The following TCF21 variants were observed in gnomAD, a reference collection of about 807,000 sequenced individuals.
TCF21 encodes transcription factor 21.
TCF21 carries 3 observed loss-of-function variants against 13.5 expected under a neutral mutation model. That is an observed-to-expected ratio of 0.22 (90% CI 0.10 to 0.57). TCF21 has a LOEUF of 0.57. Ranked by LOEUF, TCF21 falls within the 20% of genes least tolerant of loss-of-function variation. The probability of loss-of-function intolerance (pLI) is 0.92; values close to 1 mark genes in which losing one functional copy is unlikely to be tolerated. For synonymous variants in TCF21, 92 were observed against 101.7 expected (o/e 0.90, Z 0.57); for missense variants, 181 against 238.4 (o/e 0.76, Z 1.59).
rs184160585 is a variant in TCF21 at position 133,889,215 on chromosome 6, G to A, written c.-183G>A. ...CCTCGGGGTTCCTTCTCACAACTCTGCGAAGGGGAAAGGGTTGTGAGACCC... is the reference window on the plus strand; with the variant it reads ...CCTCGGGGTTCCTTCTCACAACTCTACGAAGGGGAAAGGGTTGTGAGACCC... On this transcript the variant is annotated 5_prime_UTR_variant, in exon 1 of 2. Coordinates refer to ENST00000367882, the MANE Select transcript of TCF21 (RefSeq NM_003206.4). This position sits in a 1 kb window ranked among gnomAD's most constrained non-coding sequence, Gnocchi z 5.1. The A allele has an allele frequency of 1.3e-4, 90 of 695,750 alleles. No homozygotes were observed. The Admixed American group carries it at 2.2e-3, about 17-fold the overall frequency. 43.1% of individuals were successfully genotyped at this position (695,750 alleles called of 1,614,324 possible).
Position 133,889,436 on chromosome 6 carries a change from A to G in TCF21, c.39A>G (p.Gln13=). 1 of 1,614,042 alleles carries G rather than the reference A, an allele frequency of 6.2e-7. No homozygotes were observed. Among genetic ancestry groups the G allele is most frequent in the Admixed American group, 1.7e-5 (1 of 60,010 alleles). The part of the protein sequence containing the change: ...TGSLSDVEDL[Q]EVEMLECDGL... ...CCCTCAGCGATGTGGAGGACCTTCA[A>G]GAGGTGGAGATGTTGGAATGTGACG... The change falls in exon 1 of 2, where the codon CAA becomes CAG. Residue 13 remains glutamine (Q), a synonymous_variant. Coordinates refer to ENST00000367882, the MANE Select transcript of TCF21 (RefSeq NM_003206.4). This position sits in a 1 kb window ranked among gnomAD's most constrained non-coding sequence, Gnocchi z 5.1.
chr6:133,891,659 C>G, intron 1 of TCF21, 54 bp from the exon 2 acceptor site: 1 of 1,533,498 alleles, frequency 6.5e-7, no homozygotes, highest in South Asian at 1.1e-5. Flanking sequence ...CCCGAGTCCA[C>G]CCCACCCCCT....
chr6:133,889,278 T>C lies in TCF21; in HGVS notation c.-120T>C. 7.7e-7 allele frequency: 1 copy of C among 1,302,886 alleles called. No homozygotes were observed. 80.7% of individuals were successfully genotyped at this position (1,302,886 alleles called of 1,614,324 possible). On this transcript the variant is annotated 5_prime_UTR_variant, in exon 1 of 2. Transcript: ENST00000367882. This position sits in a 1 kb window ranked among gnomAD's most constrained non-coding sequence, Gnocchi z 5.1. ...ACTCCAGCTCCCAGCAGGAGGTGGC[T>C]GCGCCACACTCGGGAGGCCTCTTGG...
Position 133,891,823 on chromosome 6 carries a change from G to A in TCF21, c.*21G>A. The A allele has an allele frequency of 6.2e-7, 1 of 1,612,906 alleles. No homozygotes were observed. Among genetic ancestry groups the A allele is most frequent in the South Asian group, 1.1e-5 (1 of 91,020 alleles). On this transcript the variant is annotated 3_prime_UTR_variant, in exon 2 of 2. Coordinates refer to ENST00000367882, the MANE Select transcript of TCF21 (RefSeq NM_003206.4). ...CCTGACCTTGGAGGTGCGAGTCTGG[G>A]AAAGGCGCGCTCCCGGGGGGAGCGG...
chr6:133,889,519 G>A lies in TCF21; in HGVS notation c.122G>A (p.Ser41Asn), dbSNP rs757405867. ...ACTTCCAACGAGAGCACCGAGGAGA[G>A]CTCCAACTGCGAGAATGGGTCTCCC... is the stretch of plus-strand genomic sequence containing the variant. ...FVTSNESTEE[S>N]SNCENGSPQK... Residue 41 changes from serine (S) to asparagine (N), a missense_variant, in exon 1 of 2, where the codon AGC (serine) becomes AAC (asparagine). Transcript: ENST00000367882. The surrounding 1 kb of genome is among the most constrained non-coding windows in gnomAD (Gnocchi z 5.1). 6.2e-7 allele frequency: 1 copy of A among 1,614,108 alleles called. No individual in the cohort carries two copies. Among genetic ancestry groups the A allele is most frequent in the Non-Finnish European group, 8.5e-7 (1 of 1,179,994 alleles).
chr6:133,889,585 C>A lies in TCF21; in HGVS notation c.188C>A (p.Pro63His). ...GGCCTGGGCAAGAGGAGGAAGGCGC[C>A]CACCAAGAAGAGCCCCCTGAGCGGG... is the stretch of plus-strand genomic sequence containing the variant. ...RGGLGKRRKA[P>H]TKKSPLSGVS... is the part of the protein sequence containing the mutation. Residue 63 changes from proline (P) to histidine (H), a missense_variant, in exon 1 of 2, where the codon CCC (proline) becomes CAC (histidine). By Grantham distance (77) the Pro-to-His change is moderately conservative. Coordinates refer to ENST00000367882, the MANE Select transcript of TCF21 (RefSeq NM_003206.4). The surrounding 1 kb of genome is among the most constrained non-coding windows in gnomAD (Gnocchi z 5.1). The A allele has an allele frequency of 6.2e-7, 1 of 1,613,918 alleles. No individual in the cohort carries two copies. Among genetic ancestry groups the A allele is most frequent in the Non-Finnish European group, 8.5e-7 (1 of 1,179,896 alleles).
intron 1 of TCF21, among the ~76,000 whole-genome samples, chr6:133,891,434 G>A (rs4896010): frequency 0.011 from 1,606 of 152,318 alleles, 22 homozygotes; most frequent in African/African-American, 0.035. Flanking sequence ...TTCCTGCATT[G>A]AGTCTCACAA....
chr6:133,889,754 C>T lies in TCF21; in HGVS notation c.357C>T (p.Asp119=). 6.2e-7 allele frequency: 1 copy of T among 1,613,560 alleles called. No individual in the cohort carries two copies. The highest frequency in any genetic ancestry group is 8.5e-7 in the Non-Finnish European group (1 of 1,179,978). The change falls in exon 1 of 2, where the codon GAC becomes GAT. Residue 119 remains aspartate (D), a synonymous_variant. Coordinates refer to ENST00000367882, the MANE Select transcript of TCF21 (RefSeq NM_003206.4). The surrounding 1 kb of genome is among the most constrained non-coding windows in gnomAD (Gnocchi z 5.1). ...CCGACACCAAGCTCTCCAAGCTGGA[C>T]ACGCTCAGGCTGGCGTCCAGCTACA... ...VPPDTKLSKL[D]TLRLASSYIA...
At chr6:133,891,340 C>A (rs1775212820) in intron 1 of TCF21, among the ~76,000 whole-genome samples, 1 of 152,226 alleles carries the variant, frequency 6.6e-6, no homozygotes, top group African/African-American at 2.4e-5. Flanking sequence ...TCGTTCTGGG[C>A]TTCCCGGCTC....
intron 1 of TCF21, among the ~76,000 whole-genome samples, chr6:133,891,189 TG>T (rs1250912448): frequency 2.0e-5 from 3 of 152,152 alleles, no homozygotes; most frequent in African/African-American, 7.2e-5. Context: ...GTGTTTGCGA[TG>T]GAAGAAACGA....
Position 133,891,761 on chromosome 6 carries a change from G to A in TCF21, c.499G>A (p.Val167Met), listed in dbSNP as rs760685056. ...GAAACCCGAGAGTGACCTGAAAGAA[G>A]TGGTGACCGCGAGCCGCTTATGTGG... ...AGKPESDLKE[V>M]VTASRLCGTT... is the part of the protein sequence containing the mutation. The change falls in exon 2 of 2, where the codon GTG becomes ATG. Residue 167 changes from valine to methionine, a missense_variant. Val to Met is a conservative substitution (Grantham distance 21, BLOSUM62 1). This residue lies in a region of TCF21 where 55 missense variants were observed against 59.5 expected (regional missense o/e 0.92). Coordinates refer to ENST00000367882, the MANE Select transcript of TCF21 (RefSeq NM_003206.4). 8.7e-6 allele frequency: 14 copies of A among 1,613,904 alleles called. No individual in the cohort carries two copies. The highest frequency in any genetic ancestry group is 1.1e-5 in the Non-Finnish European group (13 of 1,179,988).
At position 133,889,122 on chromosome 6, in the gene TCF21, T is replaced by A; in HGVS notation, c.-276T>A. 1 of 530,054 alleles carries A rather than the reference T, an allele frequency of 1.9e-6. No homozygotes were observed. The highest frequency in any genetic ancestry group is 3.4e-6 in the Non-Finnish European group (1 of 293,700). 32.8% of individuals were successfully genotyped at this position (530,054 alleles called of 1,614,324 possible). Reference sequence around the variant, plus strand: ...GTCCACCAAATTCCTCAGCGCTCGCTCACCCTCCTCTACGGCCACGACTCT... The same window carrying A: ...GTCCACCAAATTCCTCAGCGCTCGCACACCCTCCTCTACGGCCACGACTCT... On this transcript the variant is annotated 5_prime_UTR_variant, in exon 1 of 2. Transcript: ENST00000367882. The surrounding 1 kb of genome is among the most constrained non-coding windows in gnomAD (Gnocchi z 5.1).
downstream of TCF21, chr6:133,893,756 A>G (rs1775257862): frequency 6.6e-6 from 1 of 152,202 alleles, no homozygotes; most frequent in Non-Finnish European, 1.5e-5. Flanking sequence ...CCCAATCTAT[A>G]CATGGATTTT....
downstream of TCF21, chr6:133,894,041 C>T (rs1454864077): frequency 6.6e-6 from 1 of 152,118 alleles, no homozygotes; most frequent in Non-Finnish European, 1.5e-5. Context: ...TCTGTAAAAT[C>T]CCTTGGTAAA....
chr6:133,894,909 A>T (rs2114568057), downstream of TCF21: 1 of 152,344 alleles, frequency 6.6e-6, no homozygotes, highest in African/African-American at 2.4e-5. Context: ...CAGCTTACAG[A>T]CGCCTGAACG....
In TCF21 at chr6:133,889,980, C is replaced by T; in HGVS notation, c.450+133C>T. ...ACTTACACATCTCGACCACCGCGGG[C>T]CTAGAGCCTCCAGGGACCGGAGGCG... is the stretch of plus-strand genomic sequence containing the variant. On this transcript the variant is annotated intron_variant, in intron 1 of 1. Coordinates refer to ENST00000367882, the MANE Select transcript of TCF21 (RefSeq NM_003206.4). The surrounding 1 kb of genome is among the most constrained non-coding windows in gnomAD (Gnocchi z 5.1). The T allele has an allele frequency of 2.0e-6, 2 of 989,560 alleles. No individual in the cohort carries two copies. Among genetic ancestry groups the T allele is most frequent in the Non-Finnish European group, 3.1e-6 (2 of 645,806 alleles). The allele number at this position is 989,560 out of a possible 1,614,324, so 61.3% of individuals were successfully genotyped here.
rs933280010 is a variant in TCF21 at position 133,889,116 on chromosome 6, G to T, written c.-282G>T. 62 of 513,722 alleles carry T rather than the reference G, an allele frequency of 1.2e-4. No homozygotes were observed. The highest frequency in any genetic ancestry group is 1.9e-4 in the Non-Finnish European group (55 of 283,376). The allele number at this position is 513,722 out of a possible 1,614,324, so 31.8% of individuals were successfully genotyped here. A position where few individuals can be genotyped will look rare whatever the true frequency, so the allele number is the denominator to read the frequency against. On this transcript the variant is annotated 5_prime_UTR_variant, in exon 1 of 2. Coordinates refer to ENST00000367882, the MANE Select transcript of TCF21 (RefSeq NM_003206.4). The surrounding 1 kb of genome is among the most constrained non-coding windows in gnomAD (Gnocchi z 5.1). ...CCTAGTGTCCACCAAATTCCTCAGC[G>T]CTCGCTCACCCTCCTCTACGGCCAC...
rs551355616 is a variant in TCF21 at position 133,889,675 on chromosome 6, G to A, written c.278G>A (p.Arg93Gln). ...AACGCGCGAGAGCGGGCCCGCATGC[G>A]AGTGCTGAGCAAGGCCTTCTCCAGA... ...AANARERARM[R>Q]VLSKAFSRLK... The change falls in exon 1 of 2, where the codon CGA (arginine) becomes CAA (glutamine). Residue 93 changes from arginine (R) to glutamine (Q), a missense_variant. Physicochemically the swap from Arg to Gln is conservative, Grantham distance 43. Coordinates refer to ENST00000367882, the MANE Select transcript of TCF21 (RefSeq NM_003206.4). This position sits in a 1 kb window ranked among gnomAD's most constrained non-coding sequence, Gnocchi z 5.1. The A allele has an allele frequency of 7.4e-6, 12 of 1,613,750 alleles. No individual in the cohort carries two copies. The highest frequency in any genetic ancestry group is 9.3e-6 in the Non-Finnish European group (11 of 1,179,970).
intron 1 of TCF21, among the ~76,000 whole-genome samples, chr6:133,891,116 G>A (rs892450315): frequency 2.0e-5 from 3 of 152,224 alleles, no homozygotes; most frequent in African/African-American, 7.2e-5. Context: ...AAAAGTCAAT[G>A]TAGTATAGCA....
Sources: gnomAD v4.1 joint callset for allele counts (sites outside exome capture counted in the v4.1 genomes callset) on GRCh38, gnomAD v4.1.1 for gene constraint, gnomAD v4.1.1 regional missense constraint, Gnocchi (gnomAD v3.1) non-coding constraint, MANE v1.5 for transcripts, NCBI Gene and HGNC (gene_info 2026-07-23, HGNC 2026-07-21) for gene names.